Variants in NUAK1 observed in about 807,000 individuals in gnomAD.
The protein encoded by NUAK1 is NUAK family SNF1-like kinase 1.
A neutral mutation model predicts 56.9 loss-of-function variants in NUAK1; 26 were observed. The ratio of observed to expected loss-of-function variants is 0.46; its 90% CI spans 0.33 to 0.63. The LOEUF is 0.63. Ranked by LOEUF, NUAK1 falls within the 30% of genes least tolerant of loss-of-function variation. The pLI, the probability that NUAK1 is intolerant of heterozygous loss-of-function variation, is 0.02. For missense variants in NUAK1, 727 were observed against 876.1 expected, an observed-to-expected ratio of 0.83 and a Z score of 2.15; for synonymous variants, 337 against 336.0, an observed-to-expected ratio of 1.00 and a Z score of -0.03.
At chr12:106,089,291 T>C (rs768174670) in intron 2 of NUAK1, among the ~76,000 whole-genome samples, 42 of 152,252 alleles carry the variant, frequency 2.8e-4, no homozygotes, top group Non-Finnish European at 4.8e-4. Flanking sequence ...CCAAAGCCTC[T>C]GGCCCTTCAG....
chr12:106,081,615 C>G (rs927553043), intron 4 of NUAK1, among the ~76,000 whole-genome samples: 45 of 152,198 alleles, frequency 3.0e-4, no homozygotes, highest in African/African-American at 1.1e-3. Flanking sequence ...TTTGCTTACA[C>G]AAATGAAGCC....
intron 6 of NUAK1, among the ~76,000 whole-genome samples, chr12:106,068,288 T>C (rs1369101649): frequency 6.6e-6 from 1 of 152,248 alleles, no homozygotes; most frequent in Non-Finnish European, 1.5e-5. Flanking sequence ...GAATCCAGAC[T>C]TGACCCTGAG....
chr12:106,098,871 A>G (rs2032721155), intron 2 of NUAK1, among the ~76,000 whole-genome samples: 1 of 152,194 alleles, frequency 6.6e-6, no homozygotes, highest in South Asian at 2.1e-4. Flanking sequence ...TATCTCTTCC[A>G]TCCTAGGCAA....
At chr12:106,134,916 G>A (rs1039998122) in intron 1 of NUAK1, among the ~76,000 whole-genome samples, 16 of 152,118 alleles carry the variant, frequency 1.1e-4, no homozygotes, top group Non-Finnish European at 2.4e-4. Flanking sequence ...TTATTACTCT[G>A]AAAAGTTGAT....
rs1459452522 is a variant in NUAK1, at chr12:106,138,776, G to T, written c.-123C>A. 3.1e-6 allele frequency: 4 copies of T among 1,300,440 alleles called. No homozygotes were observed. The East Asian group carries it at 8.6e-5, about 28-fold the overall frequency. The allele number at this position is 1,300,440 out of a possible 1,614,324, so 80.6% of individuals were successfully genotyped here. A position where few individuals can be genotyped will look rare whatever the true frequency, so the allele number is the denominator to read the frequency against. On this transcript the variant is annotated 5_prime_UTR_variant, in exon 1 of 7. Transcript: ENST00000261402. The surrounding 1 kb of genome is among the most constrained non-coding windows in gnomAD (Gnocchi z 5.0). ...TCGCCCCCGCAGCATCAGGGAGGCGGCCCGATACCGCTCGGACTGCGGCTC... is the reference window on the plus strand; with the variant it reads ...TCGCCCCCGCAGCATCAGGGAGGCGTCCCGATACCGCTCGGACTGCGGCTC...
chr12:106,079,982 C>T (rs776980210), intron 4 of NUAK1, among the ~76,000 whole-genome samples: 5 of 152,174 alleles, frequency 3.3e-5, no homozygotes, highest in African/African-American at 7.2e-5. Flanking sequence ...CCAGAAAAGA[C>T]GTTCAATTCC....
chr12:106,116,454 T>C (rs2032917824), intron 1 of NUAK1, among the ~76,000 whole-genome samples: 2 of 152,212 alleles, frequency 1.3e-5, no homozygotes, highest in Non-Finnish European at 2.9e-5. Flanking sequence ...AAGCCCTCAC[T>C]ATGTGCCAGG....
chr12:106,106,588 G>A, intron 1 of NUAK1, 63 bp from the exon 2 acceptor site: 5 of 1,532,836 alleles, frequency 3.3e-6, no homozygotes, highest in Non-Finnish European at 4.4e-6. Context: ...AGCCATTGGG[G>A]GAGTTTGGAA....
intron 4 of NUAK1, among the ~76,000 whole-genome samples, chr12:106,077,884 A>G (rs2032479758): frequency 6.6e-6 from 1 of 152,214 alleles, no homozygotes; most frequent in Non-Finnish European, 1.5e-5. Context: ...CTGGTACCAA[A>G]CCAAATAAAC....
chr12:106,066,943 C>A lies in NUAK1; in HGVS notation c.1845G>T (p.Gly615=), dbSNP rs762710746. 2 of 1,614,090 alleles carry A rather than the reference C, an allele frequency of 1.2e-6. No homozygotes were observed. The highest frequency in any genetic ancestry group is 1.3e-5 in the African/African-American group (1 of 74,942). The change falls in exon 7 of 7, where the codon GGG becomes GGT. Residue 615 remains glycine (G), a synonymous_variant. Coordinates refer to ENST00000261402, the MANE Select transcript of NUAK1 (RefSeq NM_014840.3). ...ACTGGGGCCGGGGCCGGTTCTGGAGCCCCTCAAAGTCCTGGATCTGGAGGA... is the reference window on the plus strand; with the variant it reads ...ACTGGGGCCGGGGCCGGTTCTGGAGACCCTCAAAGTCCTGGATCTGGAGGA... ...ENFLQIQDFE[G]LQNRPRPQYL...
chr12:106,092,554 G>A (rs1219213193), intron 2 of NUAK1, among the ~76,000 whole-genome samples: 1 of 152,088 alleles, frequency 6.6e-6, no homozygotes, highest in Non-Finnish European at 1.5e-5. Context: ...CAACATGTTT[G>A]TGAGAATAAT....
chr12:106,106,631 G>T, intron 1 of NUAK1, 106 bp from the exon 2 acceptor site: 1 of 1,134,266 alleles, frequency 8.8e-7, no homozygotes, highest in Non-Finnish European at 1.2e-6. Context: ...TGGCAGAACT[G>T]ACAATAACCA....
chr12:106,085,268 G>T (rs2032559498), intron 3 of NUAK1, among the ~76,000 whole-genome samples: 1 of 152,168 alleles, frequency 6.6e-6, no homozygotes, highest in African/African-American at 2.4e-5. Flanking sequence ...TCACCTCTGT[G>T]GTGATTTACA....
chr12:106,101,968 A>C (rs2032753973), intron 2 of NUAK1, among the ~76,000 whole-genome samples: 1 of 152,172 alleles, frequency 6.6e-6, no homozygotes, highest in South Asian at 2.1e-4. Flanking sequence ...GCTGGAATAC[A>C]GCCTTGGCAA....
chr12:106,088,713 A>G (rs1275705933), intron 2 of NUAK1, among the ~76,000 whole-genome samples: 1 of 152,146 alleles, frequency 6.6e-6, no homozygotes, highest in Admixed American at 6.5e-5. Flanking sequence ...TACAGCATAC[A>G]CTCAATTATG....
chr12:106,110,769 T>G (rs1486111117), intron 1 of NUAK1, among the ~76,000 whole-genome samples: 1 of 152,256 alleles, frequency 6.6e-6, no homozygotes, highest in Non-Finnish European at 1.5e-5. Flanking sequence ...GGCCACCTTA[T>G]GGTTTAATGT....
At chr12:106,110,711 A>G (rs1233198507) in intron 1 of NUAK1, among the ~76,000 whole-genome samples, 1 of 152,180 alleles carries the variant, frequency 6.6e-6, no homozygotes, top group Non-Finnish European at 1.5e-5. Context: ...AATGTTCCCA[A>G]GTCTAGACAG....
intron 2 of NUAK1, among the ~76,000 whole-genome samples, chr12:106,094,088 C>A (rs983181071): frequency 2.0e-5 from 3 of 151,884 alleles, no homozygotes; most frequent in African/African-American, 7.3e-5. Flanking sequence ...GGATTACAGG[C>A]GTGAGCCTCT....
At chr12:106,080,183 T>C (rs2032501455) in intron 4 of NUAK1, among the ~76,000 whole-genome samples, 1 of 152,238 alleles carries the variant, frequency 6.6e-6, no homozygotes, top group Non-Finnish European at 1.5e-5. Flanking sequence ...ATCTTGGCCC[T>C]GGCCATTCAA....
Sources: allele counts gnomAD v4.1 joint callset (sites outside exome capture counted in the v4.1 genomes callset), GRCh38; gene constraint gnomAD v4.1.1; non-coding constraint Gnocchi (gnomAD v3.1); transcripts MANE v1.5; gene names NCBI Gene and HGNC (gene_info 2026-07-23, HGNC 2026-07-21).